DNAJC6: variants seen among roughly 807,000 people sequenced by gnomAD.
DNAJC6 encodes auxilin.
A neutral mutation model predicts 110.0 loss-of-function variants in DNAJC6; 34 were observed. The ratio of observed to expected loss-of-function variants is 0.31; its 90% CI spans 0.24 to 0.41. DNAJC6 has a LOEUF of 0.41. DNAJC6 is among the 10% of genes least tolerant of loss of function. The pLI is 1.00. For synonymous variants in DNAJC6, 406 were observed against 437.2 expected (o/e 0.93, Z 0.89); for missense variants, 1,031 against 1,207.8 (o/e 0.85, Z 2.17).
At chr1:65,275,467 T>C (rs1391234447) in intron 1 of DNAJC6, among the ~76,000 whole-genome samples, 3 of 152,230 alleles carry the variant, frequency 2.0e-5, no homozygotes, top group Admixed American at 6.5e-5. Context: ...TGTTGTTATT[T>C]GGTGTTGCAT....
chr1:65,388,283 C>A, intron 8 of DNAJC6, 53 bp from the exon 9 acceptor site: 1 of 1,476,516 alleles, frequency 6.8e-7, no homozygotes, highest in South Asian at 1.1e-5. Context: ...ATCTTTTGAT[C>A]AGATTCCCTT....
chr1:65,266,061 C>T (rs1361202895), intron 1 of DNAJC6, among the ~76,000 whole-genome samples: 1 of 152,242 alleles, frequency 6.6e-6, no homozygotes, highest in East Asian at 1.9e-4. Flanking sequence ...GGCACGCAGC[C>T]CGTTGGGCAG....
intron 1 of DNAJC6, among the ~76,000 whole-genome samples, chr1:65,298,040 TAA>T (rs67514205): frequency 5.3e-5 from 8 of 151,524 alleles, no homozygotes; most frequent in African/African-American, 1.9e-4. Flanking sequence ...AATCATCCTT[TAA>T]AAAAAACCCT....
At chr1:65,326,530 C>A (rs540562742) in intron 1 of DNAJC6, among the ~76,000 whole-genome samples, 2 of 152,332 alleles carry the variant, frequency 1.3e-5, no homozygotes, top group South Asian at 4.1e-4. Flanking sequence ...CTATTTAAAA[C>A]ATATTACTTA....
intron 1 of DNAJC6, among the ~76,000 whole-genome samples, chr1:65,298,418 G>A (rs1385976865): frequency 6.6e-6 from 1 of 152,128 alleles, no homozygotes; most frequent in Non-Finnish European, 1.5e-5. Flanking sequence ...ACAGTCTCCT[G>A]AAGAGAAACT....
At chr1:65,310,879 A>G (rs1052224433) in intron 1 of DNAJC6, among the ~76,000 whole-genome samples, 1 of 152,212 alleles carries the variant, frequency 6.6e-6, no homozygotes, top group African/African-American at 2.4e-5. Context: ...TACACTGGTA[A>G]CTTTAATACT....
chr1:65,385,998 T>C (rs1170015637), intron 7 of DNAJC6, 92 bp downstream of exon 7: 2 of 1,254,216 alleles, frequency 1.6e-6, no homozygotes, highest in Non-Finnish European at 2.2e-6. Flanking sequence ...CCTGCAAGAC[T>C]ATATCATTGT....
At chr1:65,351,828 C>T (rs140566976) in intron 1 of DNAJC6, among the ~76,000 whole-genome samples, 77 of 152,144 alleles carry the variant, frequency 5.1e-4, no homozygotes, top group African/African-American at 1.8e-3. Flanking sequence ...TGCAGTGGCG[C>T]GATCTCGGCT....
chr1:65,384,244 A>C lies in DNAJC6; in HGVS notation c.718A>C (p.Asn240His). The change falls in exon 6 of 19, where the codon AAT becomes CAT. Residue 240 changes from asparagine to histidine, a missense_variant. Transcript: ENST00000371069. The stretch of plus-strand genomic sequence containing the variant: ...GGTTGGTGCTATGTTCATTTTCTGT[A>C]ATCTCTACTCTACTCCTGGCCCAGC... ...ILVGAMFIFC[N>H]LYSTPGPAIR... The C allele has an allele frequency of 6.3e-7, 1 of 1,584,374 alleles. No individual in the cohort carries two copies. Among genetic ancestry groups the C allele is most frequent in the Non-Finnish European group, 8.6e-7 (1 of 1,167,810 alleles).
chr1:65,289,677 A>G (rs1312452118), intron 1 of DNAJC6, among the ~76,000 whole-genome samples: 1 of 152,222 alleles, frequency 6.6e-6, no homozygotes, highest in Non-Finnish European at 1.5e-5. Flanking sequence ...CACCAGAACC[A>G]TAAGATACAA....
intron 18 of DNAJC6, 82 bp downstream of exon 18, chr1:65,411,508 C>A: frequency 7.3e-7 from 1 of 1,369,200 alleles, no homozygotes; most frequent in Non-Finnish European, 9.9e-7. Flanking sequence ...TTTAAATGTG[C>A]TGGTTCATAT....
intron 4 of DNAJC6, among the ~76,000 whole-genome samples, chr1:65,369,012 C>T (rs1283342403): frequency 6.6e-6 from 1 of 152,014 alleles, no homozygotes; most frequent in African/African-American, 2.4e-5. Flanking sequence ...TTAAGTGATC[C>T]ACCTGCCTCA....
At chr1:65,365,107 CT>C (rs917893629) in intron 2 of DNAJC6, among the ~76,000 whole-genome samples, 1 of 151,272 alleles carries the variant, frequency 6.6e-6, no homozygotes, top group African/African-American at 2.4e-5. Flanking sequence ...CCTCTCAGAG[CT>C]TTTTTTTTAT....
intron 6 of DNAJC6, 110 bp downstream of exon 6, chr1:65,384,436 G>A (rs1645851369): frequency 5.5e-6 from 6 of 1,091,474 alleles, no homozygotes; most frequent in Non-Finnish European, 7.1e-6. Context: ...CTTTATCTCT[G>A]TATTAGTCCA....
chr1:65,300,573 A>T (rs568884151), intron 1 of DNAJC6, among the ~76,000 whole-genome samples: 1 of 152,354 alleles, frequency 6.6e-6, no homozygotes, highest in African/African-American at 2.4e-5. Flanking sequence ...AGAAGCATAG[A>T]AGATGGAGAG....
At position 65,408,644 on chromosome 1, in the gene DNAJC6, G is replaced by A. The variant is rs1646099431; in HGVS notation, c.2495G>A (p.Gly832Glu). Residue 832 changes from glycine (G) to glutamate (E), a missense_variant, in exon 17 of 19, where the codon GGG becomes GAG. Gly to Glu is a moderately conservative substitution (Grantham distance 98). Coordinates refer to ENST00000371069, the MANE Select transcript of DNAJC6 (RefSeq NM_001256864.2). ...ERGKGSSNLE[G>E]KQKAADFEDL... ...ATTTTCAAAAATTATATTGCAGAAG[G>A]GAAACAAAAAGCAGCTGATTTTGAA... is the stretch of plus-strand genomic sequence containing the variant. 1 of 1,608,350 alleles carries A rather than the reference G, an allele frequency of 6.2e-7. No individual in the cohort carries two copies. Among genetic ancestry groups the A allele is most frequent in the Non-Finnish European group, 8.5e-7 (1 of 1,178,532 alleles).
chr1:65,403,938 G>T (rs1646052559), intron 15 of DNAJC6, among the ~76,000 whole-genome samples: 1 of 152,106 alleles, frequency 6.6e-6, no homozygotes, highest in African/African-American at 2.4e-5. Flanking sequence ...TGAATAACTG[G>T]CAGTGTGGTA....
intron 1 of DNAJC6, among the ~76,000 whole-genome samples, chr1:65,364,127 A>G (rs1645622872): frequency 6.6e-6 from 1 of 152,194 alleles, no homozygotes; most frequent in Non-Finnish European, 1.5e-5. Context: ...AAGGCCACAT[A>G]CGTAGCTTAA....
intron 4 of DNAJC6, among the ~76,000 whole-genome samples, chr1:65,369,505 T>C (rs1282538202): frequency 6.6e-6 from 1 of 152,226 alleles, no homozygotes; most frequent in African/African-American, 2.4e-5. Flanking sequence ...TTAATAAATG[T>C]TGATGGTAGA....
Sources: allele counts gnomAD v4.1 joint callset (sites outside exome capture counted in the v4.1 genomes callset), GRCh38; gene constraint gnomAD v4.1.1; transcripts MANE v1.5; gene names NCBI Gene and HGNC (gene_info 2026-07-23, HGNC 2026-07-21).